Variants in TNFSF13B observed in about 807,000 individuals in gnomAD.
The protein encoded by TNFSF13B is TNF superfamily member 13b.
TNFSF13B carries 8 observed loss-of-function variants against 29.1 expected under a neutral mutation model. The observed-to-expected ratio is 0.27, with a 90% CI of 0.16 to 0.50. The LOEUF is 0.50. TNFSF13B is among the 20% of genes least tolerant of loss of function. The pLI is 0.98. For synonymous variants in TNFSF13B, 125 were observed against 130.8 expected, an observed-to-expected ratio of 0.96 and a Z score of 0.30; for missense variants, 248 against 334.9, an observed-to-expected ratio of 0.74 and a Z score of 2.03.
rs553500198 is a variant in TNFSF13B, at chr13:108,297,961, CCAACTA to C, written c.482-5290_482-5285del. Among the ~76,000 whole-genome samples the C allele has an allele frequency of 7.9e-4, 116 of 146,530 alleles. 16 individuals are homozygous for C. The highest frequency in any genetic ancestry group is 2.5e-3 in the African/African-American group (99 of 39,220). ...TCCTAAAAATTCTCTGTGCTTCACT[CCAACTA>C]CCTTTCCCTTTCCACTGCTTATCCC... On this transcript the variant is annotated intron_variant, in intron 3 of 5. Coordinates refer to ENST00000375887, the MANE Select transcript of TNFSF13B (RefSeq NM_006573.5).
upstream of TNFSF13B, chr13:108,269,714 C>T (rs538145089): frequency 3.3e-6 from 2 of 601,186 alleles, no homozygotes; most frequent in African/African-American, 1.9e-5. Context: ...ACCTACTGTA[C>T]AGTAGGGGTA....
intron 2 of TNFSF13B, among the ~76,000 whole-genome samples, chr13:108,282,223 T>C (rs902562729): frequency 6.6e-6 from 1 of 152,200 alleles, no homozygotes; most frequent in Admixed American, 6.5e-5. Flanking sequence ...GCAGGTGATA[T>C]GGATGGGATA....
chr13:108,303,678 CA>C (rs1273973116), intron 5 of TNFSF13B, 74 bp downstream of exon 5: 53 of 1,475,380 alleles, frequency 3.6e-5, no homozygotes, highest in Non-Finnish European at 4.7e-5. Context: ...CTGCAAAATG[CA>C]AAAATGAAAG....
intron 2 of TNFSF13B, among the ~76,000 whole-genome samples, chr13:108,281,911 T>A (rs1307116939): frequency 2.0e-5 from 3 of 152,180 alleles, no homozygotes; most frequent in Non-Finnish European, 4.4e-5. Context: ...TTGAGATCTT[T>A]AAGTGTTTTT....
At chr13:108,306,535 A>T (rs1881780331) in intron 5 of TNFSF13B, among the ~76,000 whole-genome samples, 1 of 151,952 alleles carries the variant, frequency 6.6e-6, no homozygotes, top group African/African-American at 2.4e-5. Context: ...ATGTTCCATG[A>T]TTTACCTAAT....
At chr13:108,284,249 A>AG (rs1881048719) in intron 2 of TNFSF13B, among the ~76,000 whole-genome samples, 1 of 152,190 alleles carries the variant, frequency 6.6e-6, no homozygotes, top group African/African-American at 2.4e-5. Flanking sequence ...GAATGGCGTG[A>AG]GCGCGGGAGG....
intron 2 of TNFSF13B, among the ~76,000 whole-genome samples, chr13:108,284,456 T>C (rs1299580751): frequency 2.6e-5 from 4 of 152,218 alleles, no homozygotes; most frequent in Admixed American, 1.3e-4. Context: ...CAGCTGCAGT[T>C]GGGCAGCATG....
chr13:108,276,424 C>T (rs1332727184), intron 2 of TNFSF13B, among the ~76,000 whole-genome samples: 1 of 152,176 alleles, frequency 6.6e-6, no homozygotes, highest in Non-Finnish European at 1.5e-5. Context: ...AATCTTTGAC[C>T]TGTTCTTGTT....
rs187172187 is a variant in TNFSF13B, at chr13:108,305,165, C to G, written c.745+1561C>G. Reference sequence around the variant, plus strand: ...CTTACTGTTGTATATGAGTACCATCCTCTAGTAAGTTTCAGGTTTGCAATT... The same window carrying G: ...CTTACTGTTGTATATGAGTACCATCGTCTAGTAAGTTTCAGGTTTGCAATT... On this transcript the variant is annotated intron_variant, in intron 5 of 5. Transcript: ENST00000375887. 1.0e-3 allele frequency among the ~76,000 whole-genome samples: 154 copies of G among 152,100 alleles called. 1 individual carries two copies. Among genetic ancestry groups the G allele is most frequent in the African/African-American group, 3.4e-3 (142 of 41,476 alleles).
intron 2 of TNFSF13B, among the ~76,000 whole-genome samples, chr13:108,282,795 A>G (rs1880993321): frequency 6.6e-6 from 1 of 152,182 alleles, no homozygotes; most frequent in Admixed American, 6.5e-5. Flanking sequence ...ATGTGTCTCC[A>G]TAGGCTCGGA....
At chr13:108,271,477 C>G (rs957991079) in intron 2 of TNFSF13B, among the ~76,000 whole-genome samples, 1 of 151,498 alleles carries the variant, frequency 6.6e-6, no homozygotes, top group East Asian at 1.9e-4. Flanking sequence ...CACACACACA[C>G]ACACACACAC....
chr13:108,284,316 G>A lies in TNFSF13B; in HGVS notation c.425-2487G>A, dbSNP rs887049520. On this transcript the variant is annotated intron_variant, in intron 2 of 5. Transcript: ENST00000375887. ...TGCACTCCAGCCTGGGCGACAGAGC[G>A]AGACTCCGTCTCAAAAAATAAATAA... 9.2e-5 allele frequency among the ~76,000 whole-genome samples: 14 copies of A among 152,200 alleles called. No individual in the cohort carries two copies. In the East Asian group the frequency reaches 1.5e-3, roughly 17 times the overall value.
At chr13:108,289,223 G>C (rs979880158) in intron 3 of TNFSF13B, among the ~76,000 whole-genome samples, 7 of 151,772 alleles carry the variant, frequency 4.6e-5, no homozygotes, top group East Asian at 1.9e-4. Context: ...TCCAATGTGC[G>C]TGTGAACTGG....
chr13:108,307,692 C>T lies in TNFSF13B; in HGVS notation c.*754C>T, dbSNP rs1161084157. On this transcript the variant is annotated 3_prime_UTR_variant, in exon 6 of 6. Coordinates refer to ENST00000375887, the MANE Select transcript of TNFSF13B (RefSeq NM_006573.5). ...AGAAACTTTTAATATCAGGTAATTT[C>T]AATTTATGCCTATAAAGCATTGATT... 1 of 151,818 alleles carries T rather than the reference C, an allele frequency of 6.6e-6. No homozygotes were observed. Among genetic ancestry groups the T allele is most frequent in the Non-Finnish European group, 1.5e-5 (1 of 67,902 alleles). 9.4% of individuals were successfully genotyped at this position (151,818 alleles called of 1,614,324 possible).
At chr13:108,296,431 G>C (rs1490046618) in intron 3 of TNFSF13B, among the ~76,000 whole-genome samples, 1 of 145,224 alleles carries the variant, frequency 6.9e-6, no homozygotes, top group African/African-American at 2.6e-5. Flanking sequence ...TTTGCAAGGA[G>C]GCATATTTGT....
intron 2 of TNFSF13B, among the ~76,000 whole-genome samples, chr13:108,278,872 A>G (rs1003693921): frequency 9.2e-5 from 14 of 152,122 alleles, no homozygotes; most frequent in African/African-American, 3.4e-4. Flanking sequence ...TGGAAATTAC[A>G]AAATAAGACA....
intron 2 of TNFSF13B, among the ~76,000 whole-genome samples, chr13:108,282,871 A>AG (rs756480893): frequency 1.3e-4 from 20 of 152,232 alleles, no homozygotes; most frequent in Non-Finnish European, 2.6e-4. Context: ...CATAAAAAAA[A>AG]CTATTCTTAA....
At chr13:108,278,612 CTTCTCTTCCTCCTCCTCCCT>C in intron 2 of TNFSF13B, among the ~76,000 whole-genome samples, 2 of 141,906 alleles carry the variant, frequency 1.4e-5, no homozygotes, top group African/African-American at 2.6e-5. Context: ...TCCTCCTCCC[CTTCTCTTCCTCCTCCTCCCT>C]TTCCTCCTCC....
At chr13:108,282,352 A>G (rs1422399610) in intron 2 of TNFSF13B, among the ~76,000 whole-genome samples, 1 of 152,240 alleles carries the variant, frequency 6.6e-6, no homozygotes, top group Admixed American at 6.5e-5. Context: ...AATGAATAAT[A>G]AACCAGTTTC....
Sources: allele counts gnomAD v4.1 joint callset (sites outside exome capture counted in the v4.1 genomes callset), GRCh38; gene constraint gnomAD v4.1.1; transcripts MANE v1.5; gene names NCBI Gene and HGNC (gene_info 2026-07-23, HGNC 2026-07-21).